Variants in RIT2 observed in about 807,000 individuals in gnomAD.
RIT2 encodes GTP-binding protein Rit2.
RIT2 carries 24 observed loss-of-function variants against 23.7 expected under a neutral mutation model. The ratio of observed to expected loss-of-function variants is 1.01; its 90% CI spans 0.73 to 1.43. The LOEUF is 1.43. Ranked by LOEUF, RIT2 falls within the 40% of genes most tolerant of loss-of-function variation. The pLI, the probability that RIT2 is intolerant of heterozygous loss-of-function variation, is 0.00. For synonymous variants in RIT2, 107 were observed against 91.1 expected (o/e 1.17, Z -0.99); for missense variants, 236 against 266.9 (o/e 0.88, Z 0.81).
chr18:43,010,508 T>C (rs1911326233), intron 2 of RIT2, among the ~76,000 whole-genome samples: 1 of 151,852 alleles, frequency 6.6e-6, no homozygotes, highest in African/African-American at 2.4e-5. Context: ...AAGAAAATGA[T>C]TGTATTTCTT....
chr18:42,884,245 C>T (rs1396502548), intron 4 of RIT2, among the ~76,000 whole-genome samples: 2 of 152,160 alleles, frequency 1.3e-5, no homozygotes, highest in Non-Finnish European at 2.9e-5. Flanking sequence ...TTGCTTGTCC[C>T]CTACTGGATT....
intron 4 of RIT2, among the ~76,000 whole-genome samples, chr18:42,896,225 TTG>T (rs1309416784): frequency 7.2e-5 from 11 of 152,172 alleles, no homozygotes; most frequent in Admixed American, 1.3e-4. Context: ...GATCGTGCCA[TTG>T]CACTCCAGCC....
chr18:42,861,698 G>A (rs1394456470), intron 4 of RIT2, among the ~76,000 whole-genome samples: 1 of 152,136 alleles, frequency 6.6e-6, no homozygotes, highest in African/African-American at 2.4e-5. Context: ...CACCCATTTT[G>A]TTAAGAGATT....
chr18:42,890,382 T>C (rs1221004334), intron 4 of RIT2, among the ~76,000 whole-genome samples: 1 of 151,878 alleles, frequency 6.6e-6, no homozygotes, highest in East Asian at 1.9e-4. Flanking sequence ...ATCTTGTAGA[T>C]AAAATTTTTA....
In RIT2 at chr18:42,862,873, A is replaced by G. The variant is rs539097003; in HGVS notation, c.426+60699T>C. On this transcript the variant is annotated intron_variant, in intron 4 of 4. Transcript: ENST00000326695. The stretch of plus-strand genomic sequence containing the variant: ...TCCCAACAAGATTATGAAACTCCTG[A>G]GAACAAAGAACAAATCTCCTAACTT... 1.4e-4 allele frequency among the ~76,000 whole-genome samples: 22 copies of G among 152,322 alleles called. No individual in the cohort carries two copies. In the South Asian group the frequency reaches 4.4e-3, roughly 30 times the overall value.
chr18:42,965,711 C>CTTTTTTGT (rs1910202987), intron 3 of RIT2, among the ~76,000 whole-genome samples: 1 of 37,770 alleles, frequency 2.6e-5, no homozygotes, highest in African/African-American at 9.4e-5. Context: ...GTACTGATGG[C>CTTTTTTGT]TTTTTTTTTT....
chr18:42,782,831 G>A (rs771768533), intron 4 of RIT2, among the ~76,000 whole-genome samples: 18 of 152,034 alleles, frequency 1.2e-4, no homozygotes, highest in Non-Finnish European at 1.6e-4. Flanking sequence ...ACAACAAAAG[G>A]CAGAATCTTA....
chr18:42,794,056 A>C (rs986682445), intron 4 of RIT2, among the ~76,000 whole-genome samples: 2 of 152,026 alleles, frequency 1.3e-5, no homozygotes, highest in South Asian at 4.2e-4. Context: ...CAAGTTCACT[A>C]TTTAACTAGA....
At chr18:42,745,605 A>AT (rs959308178) in intron 4 of RIT2, among the ~76,000 whole-genome samples, 6 of 151,930 alleles carry the variant, frequency 3.9e-5, no homozygotes, top group Non-Finnish European at 7.4e-5. Flanking sequence ...AAACATGCCA[A>AT]TTTTTTTTAG....
intron 1 of RIT2, among the ~76,000 whole-genome samples, chr18:43,072,412 G>A (rs1431449450): frequency 6.6e-6 from 1 of 152,116 alleles, no homozygotes; most frequent in Non-Finnish European, 1.5e-5. Flanking sequence ...AATCAGCCAG[G>A]CCTTTAGGGC....
chr18:42,858,935 TTTTG>T (rs1430917381), intron 4 of RIT2, among the ~76,000 whole-genome samples: 3 of 152,218 alleles, frequency 2.0e-5, no homozygotes, highest in Admixed American at 2.0e-4. Context: ...ATATATTACA[TTTTG>T]TTTATTATTT....
Position 43,072,652 on chromosome 18 carries a change from T to A in RIT2, c.104-38785A>T, listed in dbSNP as rs75448271. ...CTCAGAGGACTTTAGGGTTTGGTATTTTTCCCCCATGCAGATTTCTTCCAC... is the reference window on the plus strand; with the variant it reads ...CTCAGAGGACTTTAGGGTTTGGTATATTTCCCCCATGCAGATTTCTTCCAC... On this transcript the variant is annotated intron_variant, in intron 1 of 4. Transcript: ENST00000326695. 9.4e-4 allele frequency among the ~76,000 whole-genome samples: 143 copies of A among 152,246 alleles called. 1 individual carries two copies. Among genetic ancestry groups the A allele is most frequent in the African/African-American group, 3.4e-3 (140 of 41,556 alleles).
intron 4 of RIT2, among the ~76,000 whole-genome samples, chr18:42,780,046 G>GTTTT (rs1913770536): frequency 2.6e-4 from 13 of 50,554 alleles, no homozygotes; most frequent in South Asian, 7.9e-4. Flanking sequence ...TCAATTTAGA[G>GTTTT]GTTTTTTTTT....
intron 2 of RIT2, among the ~76,000 whole-genome samples, chr18:42,999,058 G>A (rs1026075360): frequency 6.6e-6 from 1 of 151,940 alleles, no homozygotes; most frequent in African/African-American, 2.4e-5. Flanking sequence ...GAAAATAAAT[G>A]TCTACCTCAG....
chr18:43,108,569 A>T (rs1487320005), intron 1 of RIT2, among the ~76,000 whole-genome samples: 1 of 152,200 alleles, frequency 6.6e-6, no homozygotes, highest in African/African-American at 2.4e-5. Flanking sequence ...ATCTCCAGTC[A>T]TAGATGGGGC....
intron 3 of RIT2, among the ~76,000 whole-genome samples, chr18:42,946,593 A>G (rs1337040517): frequency 2.0e-5 from 3 of 152,066 alleles, no homozygotes; most frequent in Non-Finnish European, 2.9e-5. Context: ...ACAAAACAGT[A>G]TACACTTTCT....
Position 43,105,241 on chromosome 18 carries a change from C to T in RIT2, c.103+10176G>A, listed in dbSNP as rs547737224. ...ACTTTTATTACTGTCACTGAAATTACCACTCAGGAGACCAAAGCAGAAACT... is the reference window on the plus strand; with the variant it reads ...ACTTTTATTACTGTCACTGAAATTATCACTCAGGAGACCAAAGCAGAAACT... On this transcript the variant is annotated intron_variant, in intron 1 of 4. Coordinates refer to ENST00000326695, the MANE Select transcript of RIT2 (RefSeq NM_002930.4). Among the ~76,000 whole-genome samples, 9 of 151,846 alleles carry T rather than the reference C, an allele frequency of 5.9e-5. No homozygotes were observed. In the South Asian group the frequency reaches 1.5e-3, roughly 25 times the overall value.
At chr18:42,864,232 C>T (rs897208847) in intron 4 of RIT2, among the ~76,000 whole-genome samples, 2 of 152,130 alleles carry the variant, frequency 1.3e-5, no homozygotes, top group Non-Finnish European at 2.9e-5. Flanking sequence ...AACCAGGTAT[C>T]AACACTTGAA....
Position 42,927,243 on chromosome 18 carries a change from A to G in RIT2, c.235-3480T>C, listed in dbSNP as rs1430437337. 5.9e-5 allele frequency among the ~76,000 whole-genome samples: 9 copies of G among 151,888 alleles called. No individual in the cohort carries two copies. The South Asian group carries it at 1.0e-3, about 17-fold the overall frequency. On this transcript the variant is annotated intron_variant, in intron 3 of 4. Coordinates refer to ENST00000326695, the MANE Select transcript of RIT2 (RefSeq NM_002930.4). Reference sequence around the variant, plus strand: ...TAAGCTTTTTTTTTCCCCAACAGAAAATCTTTCCACCAATAAAACAGATGT... The same window carrying G: ...TAAGCTTTTTTTTTCCCCAACAGAAGATCTTTCCACCAATAAAACAGATGT...
Sources: gnomAD v4.1 joint callset for allele counts (sites outside exome capture counted in the v4.1 genomes callset) on GRCh38, gnomAD v4.1.1 for gene constraint, MANE v1.5 for transcripts, NCBI Gene and HGNC (gene_info 2026-07-23, HGNC 2026-07-21) for gene names.